Variants in ADAM22 observed in about 807,000 individuals in gnomAD.
ADAM22 encodes disintegrin and metalloproteinase domain-containing protein 22.
Under a neutral mutation model 144.6 loss-of-function variants are expected in ADAM22, and 65 were observed. The ratio of observed to expected loss-of-function variants is 0.45; its 90% CI spans 0.37 to 0.55. ADAM22 has a LOEUF of 0.55. Among genes scored for constraint, ADAM22 ranks in the 20% least tolerant of loss-of-function variants. The pLI is 0.00. For missense variants in ADAM22, 974 were observed against 1,184.9 expected (o/e 0.82, Z 2.61); for synonymous variants, 391 against 412.6 (o/e 0.95, Z 0.63).
At chr7:87,993,919 T>A (rs1790484530) in intron 3 of ADAM22, among the ~76,000 whole-genome samples, 2 of 152,180 alleles carry the variant, frequency 1.3e-5, no homozygotes, top group African/African-American at 4.8e-5. Flanking sequence ...TTTGAGCCCA[T>A]GAATTCATAT....
At chr7:87,976,870 C>CCTT (rs1554367220) in intron 2 of ADAM22, among the ~76,000 whole-genome samples, 2 of 130,428 alleles carry the variant, frequency 1.5e-5, no homozygotes, top group African/African-American at 3.4e-5. Context: ...TTTTTTATTT[C>CCTT]TTTTTTTTTT....
At chr7:87,959,326 G>A (rs1368780597) in intron 2 of ADAM22, among the ~76,000 whole-genome samples, 2 of 152,148 alleles carry the variant, frequency 1.3e-5, no homozygotes, top group African/African-American at 2.4e-5. Context: ...ACATAAAGCT[G>A]TAGCTGGGCG....
At chr7:88,132,662 T>G (rs1002326840) in intron 11 of ADAM22, 1 of 416,742 alleles carries the variant, frequency 2.4e-6, no homozygotes, top group Non-Finnish European at 4.4e-6. Context: ...TTTAAGATAT[T>G]TATTAATCTT....
chr7:88,187,727 G>A (rs1023279796), intron 30 of ADAM22, among the ~76,000 whole-genome samples: 1 of 152,148 alleles, frequency 6.6e-6, no homozygotes, highest in Non-Finnish European at 1.5e-5. Context: ...ATCAAAATAT[G>A]TATGTGTTTT....
At chr7:87,945,726 G>T (rs1843542760) in intron 2 of ADAM22, among the ~76,000 whole-genome samples, 1 of 151,872 alleles carries the variant, frequency 6.6e-6, no homozygotes, top group South Asian at 2.1e-4. Flanking sequence ...TCTTGGCCAG[G>T]CTGGTCTTGA....
chr7:88,084,286 A>C (rs1563182393), intron 4 of ADAM22, among the ~76,000 whole-genome samples: 1 of 152,118 alleles, frequency 6.6e-6, no homozygotes, highest in Non-Finnish European at 1.5e-5. Flanking sequence ...ATCTTTGCTG[A>C]TTTTCCAACC....
At chr7:88,028,276 G>T (rs1221615204) in intron 3 of ADAM22, among the ~76,000 whole-genome samples, 1 of 152,030 alleles carries the variant, frequency 6.6e-6, no homozygotes, top group African/African-American at 2.4e-5. Flanking sequence ...ATTTCCATGT[G>T]TTTGTATAGT....
rs1214680937 is a variant in ADAM22, at chr7:88,173,259, TCCTGGTG to T, written c.2300+1699_2300+1705del. ...TATGTGCCTGATATAATTTCATGTC[TCCTGGTG>T]TTACTGAGTCATCATTTCATTGATC... On this transcript the variant is annotated intron_variant, in intron 26 of 31. Coordinates refer to ENST00000413139, the MANE Select transcript of ADAM22 (RefSeq NM_001324418.2). Among the ~76,000 whole-genome samples the T allele has an allele frequency of 2.0e-5, 3 of 152,214 alleles. No homozygotes were observed. The East Asian group carries it at 5.8e-4, about 29-fold the overall frequency.
At position 88,019,591 on chromosome 7, in the gene ADAM22, T is replaced by C. The variant is rs1011754031; in HGVS notation, c.323+41179T>C. 2.6e-5 allele frequency among the ~76,000 whole-genome samples: 4 copies of C among 152,330 alleles called. No homozygotes were observed. The East Asian group carries it at 7.7e-4, about 29-fold the overall frequency. On this transcript the variant is annotated intron_variant, in intron 3 of 31. Coordinates refer to ENST00000413139, the MANE Select transcript of ADAM22 (RefSeq NM_001324418.2). The stretch of plus-strand genomic sequence containing the variant: ...GGCCGGGTGTGGTGGCTCATGCCTG[T>C]AATCCCAGCACTTTGGGAGGCCAAG...
At chr7:88,028,978 AT>A (rs1799639075) in intron 3 of ADAM22, among the ~76,000 whole-genome samples, 1 of 151,734 alleles carries the variant, frequency 6.6e-6, no homozygotes, top group Non-Finnish European at 1.5e-5. Context: ...TGCCATTTTA[AT>A]TTTTTTAATT....
chr7:88,192,775 T>C (rs1403969189), intron 30 of ADAM22, among the ~76,000 whole-genome samples: 1 of 152,232 alleles, frequency 6.6e-6, no homozygotes, highest in African/African-American at 2.4e-5. Context: ...ATTAATATTT[T>C]ATACACATAA....
intron 30 of ADAM22, among the ~76,000 whole-genome samples, chr7:88,189,866 C>A (rs1295258041): frequency 6.6e-6 from 1 of 151,988 alleles, no homozygotes; most frequent in African/African-American, 2.4e-5. Flanking sequence ...ATCGCTTGAA[C>A]CTGGGAGGCG....
At chr7:88,169,388 A>G (rs1843702763) in intron 25 of ADAM22, among the ~76,000 whole-genome samples, 2 of 152,136 alleles carry the variant, frequency 1.3e-5, no homozygotes, top group South Asian at 2.1e-4. Flanking sequence ...ATGAGCATCT[A>G]GCCCTGTACC....
At chr7:87,947,782 G>T (rs916759850) in intron 2 of ADAM22, among the ~76,000 whole-genome samples, 2 of 152,150 alleles carry the variant, frequency 1.3e-5, no homozygotes, top group East Asian at 1.9e-4. Context: ...TGCAGTTATT[G>T]TAGGGTTATG....
At chr7:88,186,298 T>C (rs1289419173) in intron 29 of ADAM22, 3 of 283,134 alleles carry the variant, frequency 1.1e-5, no homozygotes, top group South Asian at 5.1e-5. Flanking sequence ...AAAGCCACTT[T>C]AGAGGTGGGT....
intron 4 of ADAM22, among the ~76,000 whole-genome samples, chr7:88,106,088 T>C (rs1437423887): frequency 6.6e-6 from 1 of 152,154 alleles, no homozygotes; most frequent in Non-Finnish European, 1.5e-5. Flanking sequence ...TGTTAACATC[T>C]ACACTACACT....
chr7:87,999,133 C>G (rs955816028), intron 3 of ADAM22, among the ~76,000 whole-genome samples: 1 of 151,760 alleles, frequency 6.6e-6, no homozygotes, highest in Non-Finnish European at 1.5e-5. Flanking sequence ...TGTGTAGCAC[C>G]CACTACTTGA....
intron 3 of ADAM22, among the ~76,000 whole-genome samples, chr7:87,986,055 G>A (rs551172928): frequency 1.3e-5 from 2 of 152,172 alleles, no homozygotes; most frequent in South Asian, 2.1e-4. Flanking sequence ...TCATGGCTAC[G>A]ATCTTATGTT....
chr7:88,115,371 C>G (rs1399360381), intron 6 of ADAM22, among the ~76,000 whole-genome samples: 1 of 152,280 alleles, frequency 6.6e-6, no homozygotes, highest in East Asian at 1.9e-4. Flanking sequence ...GCTACCATAA[C>G]AAAATACTGT....
Sources: gnomAD v4.1 joint callset for allele counts (sites outside exome capture counted in the v4.1 genomes callset) on GRCh38, gnomAD v4.1.1 for gene constraint, MANE v1.5 for transcripts, NCBI Gene and HGNC (gene_info 2026-07-23, HGNC 2026-07-21) for gene names.